NLGN4X: variants seen among roughly 807,000 people sequenced by gnomAD.
The protein encoded by NLGN4X is neuroligin 4 X-linked, also known as neuroligin-4, X-linked.
A neutral mutation model predicts 40.3 loss-of-function variants in NLGN4X; 3 were observed. The observed-to-expected ratio is 0.07, with a 90% CI of 0.03 to 0.19. The LOEUF (loss-of-function observed/expected upper bound fraction) is 0.19. NLGN4X is among the 10% of genes least tolerant of loss of function. The probability of loss-of-function intolerance (pLI) is 1.00; values close to 1 mark genes in which losing one functional copy is unlikely to be tolerated. For synonymous variants in NLGN4X, 270 were observed against 306.8 expected (o/e 0.88, Z 1.25); for missense variants, 382 against 708.3 (o/e 0.54, Z 5.23).
At chrX:5,969,787 A>C in intron 3 of NLGN4X, among the ~76,000 whole-genome samples, 1 of 110,650 alleles carries the variant, frequency 9.0e-6, no homozygotes, top group East Asian at 2.9e-4. Flanking sequence ...ATGTCCAACA[A>C]TGATAGACTG....
chrX:5,894,411 T>A (rs1255213727), intron 5 of NLGN4X, among the ~76,000 whole-genome samples: 3 of 112,469 alleles, frequency 2.7e-5, no homozygotes, highest in African/African-American at 9.7e-5. Flanking sequence ...GCACCATGTG[T>A]TTGCTCTCTA....
chrX:6,217,703 T>C (rs1925209493), intron 1 of NLGN4X, among the ~76,000 whole-genome samples: 2 of 111,899 alleles, frequency 1.8e-5, no homozygotes, highest in African/African-American at 6.5e-5. Flanking sequence ...TTTCTACTAC[T>C]GCCATTCCTG....
chrX:5,921,069 T>C (rs1054482194), intron 3 of NLGN4X, among the ~76,000 whole-genome samples: 2 of 107,285 alleles, frequency 1.9e-5, no homozygotes, highest in Non-Finnish European at 3.8e-5. Flanking sequence ...TGAAGCATGG[T>C]GATTCATGTG....
chrX:5,981,409 T>C (rs1367875077), intron 3 of NLGN4X, among the ~76,000 whole-genome samples: 1 of 101,081 alleles, frequency 9.9e-6, no homozygotes, highest in Non-Finnish European at 2.0e-5. Context: ...ATACAGAGTA[T>C]ACATAGTATA....
At chrX:6,113,694 CAAA>C (rs749113403) in intron 2 of NLGN4X, among the ~76,000 whole-genome samples, 1 of 91,711 alleles carries the variant, frequency 1.1e-5, no homozygotes. Flanking sequence ...GTGCTTGTTT[CAAA>C]AAAAAAAAAA....
intron 1 of NLGN4X, chrX:6,187,823 A>G (rs1922203398): frequency 8.9e-6 from 1 of 112,075 alleles, no homozygotes; most frequent in Non-Finnish European, 1.9e-5. Context: ...TTAGTTTTGC[A>G]GAATGGGAAA....
chrX:6,033,405 CTT>C (rs1301877482), intron 2 of NLGN4X, among the ~76,000 whole-genome samples: 4 of 112,297 alleles, frequency 3.6e-5, no homozygotes, highest in African/African-American at 1.3e-4. Flanking sequence ...ACTATTCACT[CTT>C]GTTTTCTTCT....
chrX:6,030,392 A>ATGTGTGTGTGTGTGTGTGTG (rs56353701), intron 2 of NLGN4X, among the ~76,000 whole-genome samples: 3 of 68,298 alleles, frequency 4.4e-5, no homozygotes, highest in African/African-American at 3.0e-4. Flanking sequence ...CTGGATACAG[A>ATGTGTGTGTGTGTGTGTGTG]TATGTGTGTG....
At chrX:6,113,694 C>CAAAA (rs749113403) in intron 2 of NLGN4X, among the ~76,000 whole-genome samples, 3 of 91,701 alleles carry the variant, frequency 3.3e-5, no homozygotes, top group Non-Finnish European at 4.3e-5. Flanking sequence ...GTGCTTGTTT[C>CAAAA]AAAAAAAAAA....
At chrX:6,104,770 T>C (rs1317912845) in intron 2 of NLGN4X, among the ~76,000 whole-genome samples, 1 of 111,233 alleles carries the variant, frequency 9.0e-6, no homozygotes, top group Admixed American at 9.6e-5. Flanking sequence ...AAGAAACAGA[T>C]GACAGACAGA....
At chrX:5,977,404 T>TA (rs1481261963) in intron 3 of NLGN4X, among the ~76,000 whole-genome samples, 1 of 109,668 alleles carries the variant, frequency 9.1e-6, no homozygotes, top group Non-Finnish European at 1.9e-5. Context: ...ATTTTTTTTT[T>TA]AGAGATGGGG....
At chrX:6,107,027 T>C (rs2039045715) in intron 2 of NLGN4X, among the ~76,000 whole-genome samples, 2 of 112,915 alleles carry the variant, frequency 1.8e-5, no homozygotes, top group African/African-American at 6.4e-5. Flanking sequence ...ATTTATGCTT[T>C]ATTCTTTCTT....
At chrX:5,965,251 T>G (rs1416605669) in intron 3 of NLGN4X, among the ~76,000 whole-genome samples, 1 of 111,933 alleles carries the variant, frequency 8.9e-6, no homozygotes, top group Non-Finnish European at 1.9e-5. Context: ...ATCAAACGTT[T>G]CATCTGCACA....
At chrX:6,129,614 A>C (rs1341630166) in intron 2 of NLGN4X, among the ~76,000 whole-genome samples, 1 of 111,668 alleles carries the variant, frequency 9.0e-6, no homozygotes, top group Non-Finnish European at 1.9e-5. Context: ...ATGTATCCTT[A>C]TTTTTGAAAC....
chrX:6,084,661 T>C (rs1216726235), intron 2 of NLGN4X, among the ~76,000 whole-genome samples: 1 of 111,308 alleles, frequency 9.0e-6, no homozygotes, highest in East Asian at 2.8e-4. Flanking sequence ...TAAACCCTAG[T>C]AAGACAGTGT....
intron 1 of NLGN4X, among the ~76,000 whole-genome samples, chrX:6,166,508 A>G (rs1262701503): frequency 9.8e-5 from 11 of 111,989 alleles, no homozygotes; most frequent in African/African-American, 3.2e-4. Context: ...AAAATGTATC[A>G]ATTTTCCACC....
chrX:6,049,901 G>A lies in NLGN4X; in HGVS notation c.473-20469C>T, dbSNP rs1421093399. Among the ~76,000 whole-genome samples, 5 of 111,551 alleles carry A rather than the reference G, an allele frequency of 4.5e-5. No individual in the cohort carries two copies. In the East Asian group the frequency reaches 1.1e-3, roughly 25 times the overall value. On this transcript the variant is annotated intron_variant, in intron 2 of 5. Coordinates refer to ENST00000381095, the MANE Select transcript of NLGN4X (RefSeq NM_181332.3). ...GAGGAGTGACTGTGCTCTCCACACC[G>A]TTCACCATAGAAACTGTTGCCTTCC... is the stretch of plus-strand genomic sequence containing the variant.
intron 3 of NLGN4X, among the ~76,000 whole-genome samples, chrX:5,954,923 G>A (rs1356494030): frequency 1.8e-5 from 2 of 111,473 alleles, no homozygotes; most frequent in Non-Finnish European, 3.8e-5. Context: ...GATCACCATA[G>A]TTATTAGCTA....
chrX:6,205,170 A>G (rs1294885344), intron 1 of NLGN4X, among the ~76,000 whole-genome samples: 2 of 112,447 alleles, frequency 1.8e-5, no homozygotes, highest in Non-Finnish European at 3.8e-5. Context: ...GAACCCTGAC[A>G]GCATCCCCAT....
Sources: gnomAD v4.1 joint callset for allele counts (sites outside exome capture counted in the v4.1 genomes callset) on GRCh38, gnomAD v4.1.1 for gene constraint, MANE v1.5 for transcripts, NCBI Gene and HGNC (gene_info 2026-07-23, HGNC 2026-07-21) for gene names.